R3HDM2: variants seen among roughly 807,000 people sequenced by gnomAD.
R3HDM2 encodes the protein R3H domain containing 2.
In R3HDM2, 38 loss-of-function variants were observed where a neutral mutation model predicts 124.5. The observed-to-expected ratio is 0.31, with a 90% CI of 0.24 to 0.40. The LOEUF is 0.40. R3HDM2 is among the 10% of genes least tolerant of loss of function. The probability of loss-of-function intolerance (pLI) is 1.00; values close to 1 mark genes in which losing one functional copy is unlikely to be tolerated. For missense variants in R3HDM2, 869 were observed against 1,236.9 expected (o/e 0.70, Z 4.46); for synonymous variants, 391 against 448.0 (o/e 0.87, Z 1.61).
At chr12:57,390,257 A>G (rs1336222785) in intron 2 of R3HDM2, among the ~76,000 whole-genome samples, 2 of 152,180 alleles carry the variant, frequency 1.3e-5, no homozygotes, top group Non-Finnish European at 2.9e-5. Context: ...AGTGAACGAT[A>G]GTGATTCCTT....
intron 2 of R3HDM2, among the ~76,000 whole-genome samples, chr12:57,316,428 G>T (rs548670544): frequency 3.3e-5 from 5 of 152,012 alleles, no homozygotes; most frequent in Non-Finnish European, 5.9e-5. Flanking sequence ...AATGGAAAAG[G>T]TTTCCTATTT....
At chr12:57,407,854 T>G (rs1244766233) in intron 1 of R3HDM2, among the ~76,000 whole-genome samples, 1 of 152,130 alleles carries the variant, frequency 6.6e-6, no homozygotes, top group Admixed American at 6.6e-5. Flanking sequence ...AGCCTGAAAC[T>G]CCTGGGCTCA....
chr12:57,330,694 CTTTTT>C (rs10571548), intron 2 of R3HDM2, among the ~76,000 whole-genome samples: 6 of 70,740 alleles, frequency 8.5e-5, no homozygotes, highest in Non-Finnish European at 1.3e-4. Flanking sequence ...TAGGGCTTTT[CTTTTT>C]TTTTTTTTTT....
At chr12:57,404,569 G>T (rs2068352336) in intron 1 of R3HDM2, among the ~76,000 whole-genome samples, 1 of 152,086 alleles carries the variant, frequency 6.6e-6, no homozygotes, top group South Asian at 2.1e-4. Flanking sequence ...TGGGCATGGT[G>T]GCGTGCGCCT....
At chr12:57,361,048 CAAAAAAAAAAAAA>C (rs35437591) in intron 2 of R3HDM2, among the ~76,000 whole-genome samples, 2 of 60,058 alleles carry the variant, frequency 3.3e-5, no homozygotes, top group Non-Finnish European at 5.6e-5. Flanking sequence ...AGACACGTCT[CAAAAAAAAAAAAA>C]AAAAAAAAAA....
At chr12:57,416,112 A>G (rs963200885) in intron 1 of R3HDM2, among the ~76,000 whole-genome samples, 2 of 152,302 alleles carry the variant, frequency 1.3e-5, no homozygotes, top group African/African-American at 4.8e-5. Context: ...CAGGTGATAC[A>G]TGCTTAAGAA....
At chr12:57,292,492 TGGAGGGTTCATTCCATTCACA>T in intron 11 of R3HDM2, 59 bp downstream of exon 11, 1 of 968,796 alleles carries the variant, frequency 1.0e-6, no homozygotes, top group Non-Finnish European at 1.6e-6. Context: ...AAAACATTTG[TGGAGGGTTCATTCCATTCACA>T]GTTCCAATGA....
intron 1 of R3HDM2, among the ~76,000 whole-genome samples, chr12:57,415,569 G>A (rs2069494624): frequency 1.7e-5 from 1 of 57,846 alleles, no homozygotes; most frequent in Non-Finnish European, 3.6e-5. Flanking sequence ...AACATCACAA[G>A]GCCAGGGGTG....
At chr12:57,408,680 G>A (rs1240396600) in intron 1 of R3HDM2, among the ~76,000 whole-genome samples, 1 of 151,932 alleles carries the variant, frequency 6.6e-6, no homozygotes, top group Non-Finnish European at 1.5e-5. Flanking sequence ...TGTTGCTTCT[G>A]AATACATACG....
At chr12:57,319,706 GA>G (rs2055982249) in intron 2 of R3HDM2, among the ~76,000 whole-genome samples, 1 of 152,116 alleles carries the variant, frequency 6.6e-6, no homozygotes, top group African/African-American at 2.4e-5. Context: ...TAGGATAAAA[GA>G]AACTGCCCTG....
intron 18 of R3HDM2, 94 bp downstream of exon 18, chr12:57,268,209 T>C (rs780430836): frequency 6.4e-6 from 9 of 1,409,664 alleles, no homozygotes; most frequent in Non-Finnish European, 8.7e-6. Flanking sequence ...TCTTTACCCC[T>C]GCCTTTCTTA....
At chr12:57,425,003 T>C (rs923773728) in intron 1 of R3HDM2, among the ~76,000 whole-genome samples, 1 of 152,236 alleles carries the variant, frequency 6.6e-6, no homozygotes, top group Non-Finnish European at 1.5e-5. Flanking sequence ...TCAGGTGCGG[T>C]GGCTCACGCC....
chr12:57,291,828 T>C (rs2048714180), intron 11 of R3HDM2, among the ~76,000 whole-genome samples: 1 of 152,164 alleles, frequency 6.6e-6, no homozygotes, highest in Non-Finnish European at 1.5e-5. Context: ...ACCCACAACC[T>C]TTCCTGAATT....
At chr12:57,269,203 TAG>T (rs2043086581) in intron 16 of R3HDM2, 118 bp downstream of exon 16, 1 of 1,547,700 alleles carries the variant, frequency 6.5e-7, no homozygotes, top group South Asian at 1.2e-5. Context: ...GGTCTGTTCT[TAG>T]GACCCTAATC....
At chr12:57,273,842 G>A (rs756210976) in intron 14 of R3HDM2, among the ~76,000 whole-genome samples, 40 of 152,226 alleles carry the variant, frequency 2.6e-4, no homozygotes, top group Non-Finnish European at 4.0e-4. Flanking sequence ...TTCACAGAAG[G>A]GACTAACAGT....
At chr12:57,323,496 C>G (rs1377593545) in intron 2 of R3HDM2, among the ~76,000 whole-genome samples, 2 of 152,138 alleles carry the variant, frequency 1.3e-5, no homozygotes, top group African/African-American at 4.8e-5. Flanking sequence ...AATAGTTGTG[C>G]CAATATTCCA....
chr12:57,309,199 C>T (rs988719434), intron 3 of R3HDM2, among the ~76,000 whole-genome samples: 8 of 152,178 alleles, frequency 5.3e-5, no homozygotes, highest in African/African-American at 1.7e-4. Context: ...AGTTTCCAGA[C>T]CCTCTAAAAT....
At chr12:57,348,714 AAAAAAAAGAG>A (rs67465611) in intron 2 of R3HDM2, among the ~76,000 whole-genome samples, 45,634 of 93,236 alleles carry the variant, frequency 0.49, 12,514 homozygotes, top group Middle Eastern at 0.8. Flanking sequence ...AAAAAAAAAA[AAAAAAAAGAG>A]AGAGAAAAAT....
chr12:57,378,832 T>C (rs771276894), intron 2 of R3HDM2, among the ~76,000 whole-genome samples: 21 of 152,232 alleles, frequency 1.4e-4, no homozygotes, highest in Admixed American at 7.2e-4. Flanking sequence ...AGCAAGTGTT[T>C]ATCAACAAAT....
Sources: gnomAD v4.1 joint callset for allele counts (sites outside exome capture counted in the v4.1 genomes callset) on GRCh38, gnomAD v4.1.1 for gene constraint, MANE v1.5 for transcripts, NCBI Gene and HGNC (gene_info 2026-07-23, HGNC 2026-07-21) for gene names.